RGS9: variants seen among roughly 807,000 people sequenced by gnomAD.
RGS9 encodes regulator of G protein signaling 9, also known as regulator of G-protein signalling 9.
RGS9 carries 78 observed loss-of-function variants against 102.0 expected under a neutral mutation model. That is an observed-to-expected ratio of 0.76 (90% CI 0.64 to 0.92). The LOEUF is 0.92. RGS9 is among the 40% of genes least tolerant of loss of function. The pLI, the probability that RGS9 is intolerant of heterozygous loss-of-function variation, is 0.00. For synonymous variants in RGS9, 353 were observed against 318.6 expected, an observed-to-expected ratio of 1.11 and a Z score of -1.15; for missense variants, 833 against 866.1, an observed-to-expected ratio of 0.96 and a Z score of 0.48.
intron 10 of RGS9, 118 bp from the exon 11 acceptor site, chr17:65,190,057 C>G: frequency 1.2e-6 from 1 of 834,898 alleles, no homozygotes; most frequent in South Asian, 1.3e-5. Flanking sequence ...GGGGCTGGCT[C>G]TGGGCATGGA....
Position 65,173,144 on chromosome 17 carries a change from G to A in RGS9, c.583-4588G>A, listed in dbSNP as rs958267729. 6.6e-6 allele frequency among the ~76,000 whole-genome samples: 1 copy of A among 151,798 alleles called. No homozygotes were observed. The highest frequency in any genetic ancestry group is 1.5e-5 in the Non-Finnish European group (1 of 67,966). ...TCACTGTGTTGGCCAGGCTGGTCTCGAACTCCTGACCTCATGATCTGCCGG... is the reference window on the plus strand; with the variant it reads ...TCACTGTGTTGGCCAGGCTGGTCTCAAACTCCTGACCTCATGATCTGCCGG... On this transcript the variant is annotated intron_variant, in intron 8 of 18. Coordinates refer to ENST00000262406, the MANE Select transcript of RGS9 (RefSeq NM_003835.4). This position sits in a 1 kb window ranked among gnomAD's most constrained non-coding sequence, Gnocchi z 4.8.
intron 10 of RGS9, among the ~76,000 whole-genome samples, chr17:65,189,904 G>A (rs368556770): frequency 3.3e-5 from 5 of 152,268 alleles, no homozygotes; most frequent in South Asian, 4.1e-4. Context: ...GTTTGTCCCC[G>A]TGTCTCAGTT....
intron 1 of RGS9, among the ~76,000 whole-genome samples, chr17:65,145,859 A>G (rs1561940): frequency 0.06 from 8,977 of 148,862 alleles, 834 homozygotes; most frequent in African/African-American, 0.21. Context: ...AGGAATTTGT[A>G]CGGGGAAAGG....
intron 17 of RGS9, 59 bp from the exon 18 acceptor site, chr17:65,224,943 G>T: frequency 1.2e-6 from 2 of 1,605,854 alleles, no homozygotes; most frequent in South Asian, 1.1e-5. Context: ...CAGCCCAGGG[G>T]CCCTGCTGGC....
chr17:65,203,615 G>A (rs1029321211), intron 14 of RGS9, among the ~76,000 whole-genome samples: 3 of 152,312 alleles, frequency 2.0e-5, no homozygotes, highest in Non-Finnish European at 2.9e-5. Context: ...GTAGAGCCAC[G>A]GGCTCAGGAA....
intron 8 of RGS9, among the ~76,000 whole-genome samples, chr17:65,171,054 G>C (rs1911399971): frequency 6.6e-6 from 1 of 152,182 alleles, no homozygotes. Context: ...AAAAAAGCCA[G>C]CCAAGGCAAA....
chr17:65,161,968 G>T (rs543926415), intron 6 of RGS9, among the ~76,000 whole-genome samples: 71 of 152,198 alleles, frequency 4.7e-4, no homozygotes, highest in African/African-American at 1.6e-3. Flanking sequence ...GAAGTGCTGG[G>T]ATTACAGGCG....
At position 65,160,600 on chromosome 17, in the gene RGS9, G is replaced by GC; in HGVS notation, c.364+17dup. ...GATACCGATTACGGTAAATACTTCA[G>GC]CCCCAACTATGCCTTTGGTAGTGCT... On this transcript the variant is annotated intron_variant, in intron 5 of 18. Coordinates refer to ENST00000262406, the MANE Select transcript of RGS9 (RefSeq NM_003835.4). 6.2e-7 allele frequency: 1 copy of GC among 1,613,922 alleles called. No homozygotes were observed. Among genetic ancestry groups the GC allele is most frequent in the Non-Finnish European group, 8.5e-7 (1 of 1,179,794 alleles).
At chr17:65,191,329 G>A (rs1368892450) in intron 11 of RGS9, among the ~76,000 whole-genome samples, 1 of 151,632 alleles carries the variant, frequency 6.6e-6, no homozygotes, top group Non-Finnish European at 1.5e-5. Context: ...CCTCATTACC[G>A]TAATTTTGAC....
chr17:65,194,245 T>C (rs1044565345), intron 12 of RGS9, among the ~76,000 whole-genome samples: 1 of 152,256 alleles, frequency 6.6e-6, no homozygotes, highest in African/African-American at 2.4e-5. Flanking sequence ...TTCCCATTTA[T>C]GGTTGAATCA....
At chr17:65,198,662 C>T (rs1047703414) in intron 13 of RGS9, among the ~76,000 whole-genome samples, 2 of 152,188 alleles carry the variant, frequency 1.3e-5, no homozygotes, top group Non-Finnish European at 2.9e-5. Flanking sequence ...AAATATTTAC[C>T]TTTACGGGAT....
At chr17:65,212,568 C>G (rs927456844) in intron 17 of RGS9, among the ~76,000 whole-genome samples, 1 of 152,140 alleles carries the variant, frequency 6.6e-6, no homozygotes, top group Non-Finnish European at 1.5e-5. Flanking sequence ...TGAGTGAAGC[C>G]TGCTGGGTGA....
chr17:65,142,259 A>C (rs1399136446), intron 1 of RGS9, among the ~76,000 whole-genome samples: 2 of 152,164 alleles, frequency 1.3e-5, no homozygotes, highest in Non-Finnish European at 2.9e-5. Context: ...AAACCCAAAA[A>C]CCAAAAACCA....
At chr17:65,213,933 A>T (rs918509028) in intron 17 of RGS9, among the ~76,000 whole-genome samples, 1 of 152,190 alleles carries the variant, frequency 6.6e-6, no homozygotes, top group Admixed American at 6.5e-5. Context: ...GGCAGCATTT[A>T]TGCTTCATAG....
intron 15 of RGS9, among the ~76,000 whole-genome samples, chr17:65,205,741 T>G (rs1913035769): frequency 6.6e-6 from 1 of 151,474 alleles, no homozygotes; most frequent in South Asian, 2.1e-4. Context: ...GTAGGTCATG[T>G]GATATAGGTT....
intron 17 of RGS9, among the ~76,000 whole-genome samples, chr17:65,223,711 C>T (rs1258740779): frequency 6.6e-6 from 1 of 151,712 alleles, no homozygotes; most frequent in Admixed American, 6.5e-5. Context: ...CCCTCACCTC[C>T]TTCTCGAGGA....
chr17:65,184,336 A>T (rs970055617), intron 9 of RGS9, among the ~76,000 whole-genome samples: 15 of 152,174 alleles, frequency 9.9e-5, no homozygotes, highest in Non-Finnish European at 1.8e-4. Flanking sequence ...ATAAGCAATG[A>T]ATATCTTTTT....
At chr17:65,185,776 A>G (rs1310784829) in intron 9 of RGS9, among the ~76,000 whole-genome samples, 2 of 152,218 alleles carry the variant, frequency 1.3e-5, no homozygotes, top group African/African-American at 4.8e-5. Flanking sequence ...GAGTATACAA[A>G]TTGTAAACCC....
intron 1 of RGS9, among the ~76,000 whole-genome samples, chr17:65,142,095 TTAGCC>T (rs775956570): frequency 2.6e-5 from 4 of 152,142 alleles, no homozygotes; most frequent in Non-Finnish European, 5.9e-5. Flanking sequence ...AATACACAAA[TTAGCC>T]AGGCATGCTG....
Sources: allele counts gnomAD v4.1 joint callset (sites outside exome capture counted in the v4.1 genomes callset), GRCh38; gene constraint gnomAD v4.1.1; non-coding constraint Gnocchi (gnomAD v3.1); transcripts MANE v1.5; gene names NCBI Gene and HGNC (gene_info 2026-07-23, HGNC 2026-07-21).